RASIP1: variants seen among roughly 807,000 people sequenced by gnomAD.
RASIP1 encodes the protein ras-interacting protein 1.
In RASIP1, 20 loss-of-function variants were observed where a neutral mutation model predicts 85.3. The observed-to-expected ratio is 0.23, with a 90% CI of 0.17 to 0.34. RASIP1 has a LOEUF of 0.34. Ranked by LOEUF, RASIP1 falls within the 10% of genes least tolerant of loss-of-function variation. RASIP1 has a pLI of 1.00. For missense variants in RASIP1, 1,170 were observed against 1,390.9 expected, an observed-to-expected ratio of 0.84 and a Z score of 2.53; for synonymous variants, 617 against 647.1, an observed-to-expected ratio of 0.95 and a Z score of 0.71.
chr19:48,737,047 A>G (rs1307875716), intron 3 of RASIP1, among the ~76,000 whole-genome samples: 1 of 152,084 alleles, frequency 6.6e-6, no homozygotes, highest in Non-Finnish European at 1.5e-5. Flanking sequence ...AACAACAACG[A>G]CAACAACAAC....
chr19:48,739,003 C>T lies in RASIP1; in HGVS notation c.780G>A (p.Ala260=). 1 of 1,245,658 alleles carries T rather than the reference C, an allele frequency of 8.0e-7. No homozygotes were observed. Among genetic ancestry groups the T allele is most frequent in the Non-Finnish European group, 1.0e-6 (1 of 998,742 alleles). 77.2% of individuals were successfully genotyped at this position (1,245,658 alleles called of 1,614,324 possible). The stretch of plus-strand genomic sequence containing the variant: ...CGAAGGCCTCCTGCTCCAGGCGCCG[C>T]GCCTCCTCGCGGCCGCGCAACTCGA... ...RRFELRGREE[A]RRLEQEAFGA... Residue 260 remains alanine, a synonymous_variant, in exon 3 of 12, where the codon GCG becomes GCA. Transcript: ENST00000222145. This position sits in a 1 kb window ranked among gnomAD's most constrained non-coding sequence, Gnocchi z 9.2.
At chr19:48,726,617 G>A (rs2033347371) in intron 8 of RASIP1, among the ~76,000 whole-genome samples, 168 bp downstream of exon 8, 1 of 152,236 alleles carries the variant, frequency 6.6e-6, no homozygotes, top group African/African-American at 2.4e-5. Flanking sequence ...CCTTGGGTGA[G>A]ATGGGATGTC....
intron 3 of RASIP1, chr19:48,737,540 C>T: frequency 1.0e-6 from 1 of 985,444 alleles, no homozygotes; most frequent in African/African-American, 1.7e-5. Context: ...GCAGCCAACC[C>T]AGCCTAAGGC....
At chr19:48,733,163 T>A (rs1353657016) in intron 4 of RASIP1, among the ~76,000 whole-genome samples, 4 of 152,198 alleles carry the variant, frequency 2.6e-5, no homozygotes, top group African/African-American at 9.7e-5. Flanking sequence ...TAGCTGAGAC[T>A]ACAGATAGGT....
At position 48,733,776 on chromosome 19, in the gene RASIP1, C is replaced by G. The variant is rs544877379; in HGVS notation, c.1179+1420G>C. On this transcript the variant is annotated intron_variant, in intron 4 of 11. Coordinates refer to ENST00000222145, the MANE Select transcript of RASIP1 (RefSeq NM_017805.3). ...GAGCCAAGATCGCACCACTGCAGTC[C>G]GGCTGGGTGACAGACTGAGAATCCA... 2.7e-5 allele frequency among the ~76,000 whole-genome samples: 4 copies of G among 146,356 alleles called. No individual in the cohort carries two copies. The East Asian group carries it at 8.0e-4, about 29-fold the overall frequency.
In RASIP1 at chr19:48,739,319, A is replaced by C. The variant is rs919019987; in HGVS notation, c.464T>G (p.Leu155Arg). 6 of 1,381,282 alleles carry C rather than the reference A, an allele frequency of 4.3e-6. 1 individual carries two copies. Among genetic ancestry groups the C allele is most frequent in the African/African-American group, 1.5e-5 (1 of 65,670 alleles). The allele number at this position is 1,381,282 out of a possible 1,614,324, so 85.6% of individuals were successfully genotyped here. Reference protein sequence around the residue: ...PGVLKIFGAGLASGANYKSVL... With the variant: ...PGVLKIFGAGRASGANYKSVL... ...GCTCTTGTAGTTGGCGCCCGATGCC[A>C]GTCCGGCGCCGAAGATCTTGAGGAC... Residue 155 changes from leucine to arginine, a missense_variant, in exon 3 of 12, where the codon CTG becomes CGG. Leu to Arg is a moderately radical substitution (Grantham distance 102). Coordinates refer to ENST00000222145, the MANE Select transcript of RASIP1 (RefSeq NM_017805.3). The surrounding 1 kb of genome is among the most constrained non-coding windows in gnomAD (Gnocchi z 9.2).
At chr19:48,731,524 T>A (rs2033458518) in intron 4 of RASIP1, among the ~76,000 whole-genome samples, 1 of 151,894 alleles carries the variant, frequency 6.6e-6, no homozygotes, top group Non-Finnish European at 1.5e-5. Flanking sequence ...TACCATGGAG[T>A]GTTCCATCTC....
rs374488107 is a variant in RASIP1, at chr19:48,729,614, T to A, written c.1180-24A>T. On this transcript the variant is annotated intron_variant, in intron 4 of 11. Coordinates refer to ENST00000222145, the MANE Select transcript of RASIP1 (RefSeq NM_017805.3). ...TCCTGGAGGGGAAACGAGGATGCAC[T>A]AAGGACATCACTTCAATCCATATCT... is the stretch of plus-strand genomic sequence containing the variant. The A allele has an allele frequency of 4.7e-5, 74 of 1,561,234 alleles. No individual in the cohort carries two copies. The African/African-American group carries it at 9.1e-4, about 19-fold the overall frequency.
chr19:48,727,263 G>T (rs1003576554), intron 6 of RASIP1, 105 bp from the exon 7 acceptor site: 3 of 1,547,558 alleles, frequency 1.9e-6, no homozygotes, highest in African/African-American at 1.4e-5. Flanking sequence ...CTCCCATTGC[G>T]CAGCTGGAAA....
intron 4 of RASIP1, among the ~76,000 whole-genome samples, chr19:48,732,099 ACT>A (rs2033469292): frequency 6.9e-6 from 1 of 145,048 alleles, no homozygotes; most frequent in Non-Finnish European, 1.5e-5. Flanking sequence ...AGGGTCTCTC[ACT>A]CTGTCATCAG....
At chr19:48,737,929 A>G (rs2033602998) in intron 3 of RASIP1, 2 of 983,976 alleles carry the variant, frequency 2.0e-6, no homozygotes, top group South Asian at 9.4e-5. Flanking sequence ...TTTCTGGAGG[A>G]CAGTTTTTTG....
In RASIP1 at chr19:48,724,909, C is replaced by A. The variant is rs899828449; in HGVS notation, c.2179G>T (p.Gly727Cys). 1 of 1,614,214 alleles carries A rather than the reference C, an allele frequency of 6.2e-7. No individual in the cohort carries two copies. Among genetic ancestry groups the A allele is most frequent in the Middle Eastern group, 1.6e-4 (1 of 6,062 alleles). Residue 727 changes from glycine (G) to cysteine (C), a missense_variant, in exon 9 of 12, where the codon GGT becomes TGT. Physicochemically the swap from Gly to Cys is radical, Grantham distance 159. Coordinates refer to ENST00000222145, the MANE Select transcript of RASIP1 (RefSeq NM_017805.3). The surrounding 1 kb of genome is among the most constrained non-coding windows in gnomAD (Gnocchi z 4.6). ...ALLDSNPFTA[G>C]AELPGPGAEL... ...GCGCCAGGCCCCGGCAGCTCTGCAC[C>A]AGCTGTGAAAGGGTTACTATCCAGG...
Position 48,724,282 on chromosome 19 carries a change from G to C in RASIP1, c.2544+55C>G. The stretch of plus-strand genomic sequence containing the variant: ...GGTGAGCTGAATATAGAAGGTGGCT[G>C]AGGGGGGTTGAGGAGTCAGAGGTCA... On this transcript the variant is annotated intron_variant, in intron 10 of 11. Transcript: ENST00000222145. This position sits in a 1 kb window ranked among gnomAD's most constrained non-coding sequence, Gnocchi z 4.6. 1.3e-6 allele frequency: 2 copies of C among 1,558,612 alleles called. No individual in the cohort carries two copies. Among genetic ancestry groups the C allele is most frequent in the South Asian group, 2.3e-5 (2 of 85,902 alleles).
intron 5 of RASIP1, among the ~76,000 whole-genome samples, chr19:48,728,013 G>A (rs1044135550): frequency 3.3e-5 from 5 of 152,126 alleles, no homozygotes; most frequent in Non-Finnish European, 2.9e-5. Flanking sequence ...AATCCCACAA[G>A]CTTTAGAATG....
Position 48,724,433 on chromosome 19 carries a change from T to C in RASIP1, c.2448A>G (p.Leu816=), listed in dbSNP as rs974942367. Residue 816 remains leucine (L), a synonymous_variant, in exon 10 of 12, where the codon CTA becomes CTG. Transcript: ENST00000222145. This position sits in a 1 kb window ranked among gnomAD's most constrained non-coding sequence, Gnocchi z 4.6. Reference sequence around the variant, plus strand: ...CAATGTCGCCCAGCCCAGCTCCCTGTAGCCAGTCCAAGACGAGGTCCAGGT... The same window carrying C: ...CAATGTCGCCCAGCCCAGCTCCCTGCAGCCAGTCCAAGACGAGGTCCAGGT... The part of the protein sequence containing the change: ...RTNLDLVLDW[L]QGAGLGDIAT... 6 of 1,614,132 alleles carry C rather than the reference T, an allele frequency of 3.7e-6. No individual in the cohort carries two copies. In the South Asian group the frequency reaches 4.4e-5, roughly 12 times the overall value.
rs754020834 is a variant in RASIP1 at position 48,740,262 on chromosome 19, C to T, written c.21G>A (p.Lys7=). 8 of 1,588,768 alleles carry T rather than the reference C, an allele frequency of 5.0e-6. No homozygotes were observed. The highest frequency in any genetic ancestry group is 6.8e-6 in the Non-Finnish European group (8 of 1,170,184). The part of the protein sequence containing the change: MLSGER[K]EGGSPRFGKL... ...TCCCGAAGCGGGGGCTTCCGCCCTC[C>T]TTCCGTTCACCAGACAGCATGGCCC... is the stretch of plus-strand genomic sequence containing the variant. The change falls in exon 2 of 12, where the codon AAG becomes AAA. Residue 7 remains lysine, a synonymous_variant. Coordinates refer to ENST00000222145, the MANE Select transcript of RASIP1 (RefSeq NM_017805.3). The surrounding 1 kb of genome is among the most constrained non-coding windows in gnomAD (Gnocchi z 5.5).
intron 4 of RASIP1, among the ~76,000 whole-genome samples, chr19:48,734,439 G>A (rs1338255625): frequency 1.3e-5 from 2 of 150,822 alleles, no homozygotes; most frequent in Non-Finnish European, 3.0e-5. Flanking sequence ...TCAGTCTCCC[G>A]AGTAGCTGGG....
At position 48,739,311 on chromosome 19, in the gene RASIP1, C is replaced by A; in HGVS notation, c.472G>T (p.Gly158Cys). 1 of 1,397,298 alleles carries A rather than the reference C, an allele frequency of 7.2e-7. No homozygotes were observed. Among genetic ancestry groups the A allele is most frequent in the East Asian group, 3.0e-5 (1 of 33,274 alleles). The allele number at this position is 1,397,298 out of a possible 1,614,324, so 86.6% of individuals were successfully genotyped here. ...LKIFGAGLAS[G>C]ANYKSVLATA... is the part of the protein sequence containing the mutation. Reference sequence around the variant, plus strand: ...GCCAGCACGCTCTTGTAGTTGGCGCCCGATGCCAGTCCGGCGCCGAAGATC... The same window carrying A: ...GCCAGCACGCTCTTGTAGTTGGCGCACGATGCCAGTCCGGCGCCGAAGATC... The change falls in exon 3 of 12, where the codon GGC becomes TGC. Residue 158 changes from glycine to cysteine, a missense_variant. Physicochemically the swap from Gly to Cys is radical, Grantham distance 159. Around this residue, in one of 4 missense-constraint regions of RASIP1, gnomAD observed 299 missense variants for 394.4 expected, o/e 0.76. Transcript: ENST00000222145. This position sits in a 1 kb window ranked among gnomAD's most constrained non-coding sequence, Gnocchi z 9.2.
rs200381072 is a variant in RASIP1 at position 48,720,845 on chromosome 19, G to C, written c.2845C>G (p.Leu949Val). The C allele has an allele frequency of 6.2e-7, 1 of 1,614,098 alleles. No homozygotes were observed. Among genetic ancestry groups the C allele is most frequent in the East Asian group, 2.2e-5 (1 of 44,868 alleles). The change falls in exon 12 of 12, where the codon CTG becomes GTG. Residue 949 changes from leucine (L) to valine (V), a missense_variant. By Grantham distance (32) the Leu-to-Val change is conservative (BLOSUM62 1). This residue lies in a region of RASIP1 where 144 missense variants were observed against 125.5 expected (regional missense o/e 1.15). Coordinates refer to ENST00000222145, the MANE Select transcript of RASIP1 (RefSeq NM_017805.3). Reference sequence around the variant, plus strand: ...GGCCCATGGCGATAATTGGCTGGCAGCTCCTGCTGCTCAAGATCCCAGAGG... The same window carrying C: ...GGCCCATGGCGATAATTGGCTGGCACCTCCTGCTGCTCAAGATCCCAGAGG... ...RLLWDLEQQE[L>V]PANYRHGPPV...
Sources: gnomAD v4.1 joint callset for allele counts (sites outside exome capture counted in the v4.1 genomes callset) on GRCh38, gnomAD v4.1.1 for gene constraint, gnomAD v4.1.1 regional missense constraint, Gnocchi (gnomAD v3.1) non-coding constraint, MANE v1.5 for transcripts, NCBI Gene and HGNC (gene_info 2026-07-23, HGNC 2026-07-21) for gene names.